The following ABLIM1 variants were observed in gnomAD, a reference collection of about 807,000 sequenced individuals.
The protein encoded by ABLIM1 is actin binding LIM protein 1, also known as actin-binding LIM protein 1.
Under a neutral mutation model 107.0 loss-of-function variants are expected in ABLIM1, and 40 were observed. That is an observed-to-expected ratio of 0.37 (90% confidence interval 0.29 to 0.49). ABLIM1 has a LOEUF of 0.49. Among genes scored for constraint, ABLIM1 ranks in the 20% least tolerant of loss-of-function variants. The pLI, the probability that ABLIM1 is intolerant of heterozygous loss-of-function variation, is 0.97. For missense variants in ABLIM1, 857 were observed against 1,008.5 expected, an observed-to-expected ratio of 0.85 and a Z score of 2.04; for synonymous variants, 357 against 357.3, an observed-to-expected ratio of 1.00 and a Z score of 0.01.
At chr10:114,568,572 G>A (rs559630556) in intron 4 of ABLIM1, among the ~76,000 whole-genome samples, 49 of 152,298 alleles carry the variant, frequency 3.2e-4, no homozygotes, top group African/African-American at 1.2e-3. Flanking sequence ...TTGTGTGCCT[G>A]TCTAGTCTGG....
chr10:114,551,718 C>T (rs1337089181), intron 4 of ABLIM1, among the ~76,000 whole-genome samples: 1 of 152,222 alleles, frequency 6.6e-6, no homozygotes, highest in Non-Finnish European at 1.5e-5. Context: ...CCCTATTTTC[C>T]TGCCTCACCA....
At chr10:114,789,743 A>G in the ABLIM1 span, among the ~76,000 whole-genome samples, 12 of 148,716 alleles carry the variant, frequency 8.1e-5, no homozygotes, top group Non-Finnish European at 1.5e-4. Flanking sequence ...GTGTCTGTCC[A>G]TGTCCTATGC....
rs2079609316 is a variant in ABLIM1, at chr10:114,658,032, T to C, written c.169A>G (p.Ile57Val). ...GGACAGAGATACAGCAAATGAGTGA[T>C]AGTGGCACGCCTATGAGCGGTGAAG... ...TSFTAHRRAT[I>V]THLLYLCPKD... Residue 57 changes from isoleucine (I) to valine (V), a missense_variant, in exon 1 of 23, where the codon ATC becomes GTC. By Grantham distance (29) the Ile-to-Val change is conservative (BLOSUM62 3). Around this residue, in one of 5 missense-constraint regions of ABLIM1, gnomAD observed 176 missense variants for 173.5 expected, o/e 1.01. Transcript: ENST00000533213. 3 of 1,614,186 alleles carry C rather than the reference T, an allele frequency of 1.9e-6. No homozygotes were observed. Among genetic ancestry groups the C allele is most frequent in the Middle Eastern group, 1.6e-4 (1 of 6,062 alleles).
At chr10:114,576,160 A>C (rs1156268256) in intron 2 of ABLIM1, among the ~76,000 whole-genome samples, 1 of 152,208 alleles carries the variant, frequency 6.6e-6, no homozygotes, top group Non-Finnish European at 1.5e-5. Context: ...TAGAGAGATA[A>C]AAAACAAACA....
At chr10:114,581,610 T>C (rs960469813) in intron 2 of ABLIM1, among the ~76,000 whole-genome samples, 3 of 152,174 alleles carry the variant, frequency 2.0e-5, no homozygotes, top group Non-Finnish European at 2.9e-5. Flanking sequence ...ACATGATCAA[T>C]GTTTTCAATT....
At chr10:114,532,802 A>G (rs2497714) in intron 6 of ABLIM1, among the ~76,000 whole-genome samples, 144,121 of 152,260 alleles carry the variant, frequency 0.95, 68,247 homozygotes, top group East Asian at 1. Flanking sequence ...CCAAAAGCTA[A>G]AGAAGATTGC....
chr10:114,661,800 T>C (rs1274299767), upstream of ABLIM1, among the ~76,000 whole-genome samples: 1 of 152,130 alleles, frequency 6.6e-6, no homozygotes, highest in Non-Finnish European at 1.5e-5. Flanking sequence ...TCTTCTATGA[T>C]AGACTATGAA....
chr10:114,542,178 G>A (rs986801911), intron 6 of ABLIM1, among the ~76,000 whole-genome samples: 4 of 152,170 alleles, frequency 2.6e-5, no homozygotes, highest in Admixed American at 1.3e-4. Context: ...GGAGGCTGAG[G>A]CAGGAGGATT....
chr10:114,508,683 T>C (rs2061464691), intron 6 of ABLIM1, among the ~76,000 whole-genome samples: 1 of 152,202 alleles, frequency 6.6e-6, no homozygotes, highest in African/African-American at 2.4e-5. Context: ...AGTGAGACCT[T>C]GACTTTACGT....
At chr10:114,787,535 G>GGA in the ABLIM1 span, among the ~76,000 whole-genome samples, 1 of 146,572 alleles carries the variant, frequency 6.8e-6, no homozygotes, top group East Asian at 2.1e-4. Context: ...GGAGGTGTGG[G>GGA]GGTCAGCCCC....
intron 1 of ABLIM1, among the ~76,000 whole-genome samples, chr10:114,762,329 G>A (rs961456567): frequency 1.3e-5 from 2 of 152,070 alleles, no homozygotes; most frequent in African/African-American, 2.4e-5. Flanking sequence ...CACTGTGCCC[G>A]GCCAGGATAT....
At chr10:114,601,446 A>G (rs1430985141) in intron 2 of ABLIM1, among the ~76,000 whole-genome samples, 3 of 151,790 alleles carry the variant, frequency 2.0e-5, no homozygotes, top group African/African-American at 2.4e-5. Context: ...TTTTATTCTT[A>G]GTAGAGACGG....
chr10:114,545,219 T>G (rs1172507397), intron 5 of ABLIM1, 121 bp from the exon 6 acceptor site: 12 of 847,326 alleles, frequency 1.4e-5, no homozygotes, highest in Admixed American at 6.0e-5. Context: ...CCCTGCCCAG[T>G]GTTCACATGC....
At chr10:114,644,300 A>AT (rs1471074336) in intron 1 of ABLIM1, among the ~76,000 whole-genome samples, 91 of 90,594 alleles carry the variant, frequency 1.0e-3, no homozygotes, top group African/African-American at 4.5e-3. Flanking sequence ...AAAAAAAAAA[A>AT]AAAAAAATAT....
intron 1 of ABLIM1, among the ~76,000 whole-genome samples, chr10:114,664,168 T>C (rs765387599): frequency 5.3e-5 from 8 of 152,200 alleles, no homozygotes; most frequent in Non-Finnish European, 1.0e-4. Flanking sequence ...ACTCCTGTAG[T>C]TTATGGTCAC....
At chr10:114,779,986 C>T in the ABLIM1 span, 1 of 151,612 alleles carries the variant, frequency 6.6e-6, no homozygotes, top group African/African-American at 2.4e-5. Context: ...TCATCATTCA[C>T]ATATTAAAAG....
chr10:114,468,730 G>A (rs563024744), intron 10 of ABLIM1, among the ~76,000 whole-genome samples: 1 of 152,126 alleles, frequency 6.6e-6, no homozygotes, highest in African/African-American at 2.4e-5. Flanking sequence ...AAAGTTCCGG[G>A]GAGATTCTGG....
At chr10:114,747,229 T>C (rs2082403350) in intron 1 of ABLIM1, among the ~76,000 whole-genome samples, 1 of 152,044 alleles carries the variant, frequency 6.6e-6, no homozygotes, top group South Asian at 2.1e-4. Flanking sequence ...AAGCAAATAT[T>C]CCAAAGACAG....
chr10:114,465,901 G>A (rs2065050829), intron 11 of ABLIM1, 74 bp from the exon 12 acceptor site: 4 of 1,509,608 alleles, frequency 2.6e-6, no homozygotes, highest in Non-Finnish European at 3.6e-6. Flanking sequence ...ACACTGCCAA[G>A]GAACCATCAT....
Sources: gnomAD v4.1 joint callset for allele counts (sites outside exome capture counted in the v4.1 genomes callset) on GRCh38, gnomAD v4.1.1 for gene constraint, gnomAD v4.1.1 regional missense constraint, MANE v1.5 for transcripts, NCBI Gene and HGNC (gene_info 2026-07-23, HGNC 2026-07-21) for gene names.